The following ADRA1B variants were observed in gnomAD, a reference collection of about 807,000 sequenced individuals.
ADRA1B encodes alpha-1B adrenergic receptor.
Under a neutral mutation model 17.9 loss-of-function variants are expected in ADRA1B, and 17 were observed. The ratio of observed to expected loss-of-function variants is 0.95; its 90% CI spans 0.65 to 1.42. ADRA1B has a LOEUF of 1.42. ADRA1B is among the 40% of genes most tolerant of loss of function. ADRA1B has a pLI of 0.00. For synonymous variants in ADRA1B, 366 were observed against 327.6 expected, an observed-to-expected ratio of 1.12 and a Z score of -1.27; for missense variants, 681 against 722.1, an observed-to-expected ratio of 0.94 and a Z score of 0.65.
intron 1 of ADRA1B, among the ~76,000 whole-genome samples, chr5:159,962,013 C>T (rs1438635036): frequency 6.6e-6 from 1 of 152,128 alleles, no homozygotes; most frequent in Non-Finnish European, 1.5e-5. Flanking sequence ...GTCTGGTCAA[C>T]ATGATGAAAT....
At chr5:159,898,026 C>T (rs1754057028) in intron 1 of ADRA1B, among the ~76,000 whole-genome samples, 2 of 152,356 alleles carry the variant, frequency 1.3e-5, no homozygotes, top group East Asian at 1.9e-4. Flanking sequence ...GCTCCCATCC[C>T]CTTCCCTCTC....
chr5:159,918,448 C>A lies in ADRA1B; in HGVS notation c.949+594C>A, dbSNP rs532896107. Among the ~76,000 whole-genome samples the A allele has an allele frequency of 1.7e-3, 258 of 152,274 alleles. 3 individuals are homozygous for A. Among genetic ancestry groups the A allele is most frequent in the African/African-American group, 6.1e-3 (255 of 41,550 alleles). Reference sequence around the variant, plus strand: ...ATCCGTTAATAAGAGCATTTTACAGCCACACAGCCCCAACCAGCCTTTAAG... The same window carrying A: ...ATCCGTTAATAAGAGCATTTTACAGACACACAGCCCCAACCAGCCTTTAAG... On this transcript the variant is annotated intron_variant, in intron 1 of 1. Transcript: ENST00000306675.
intron 1 of ADRA1B, among the ~76,000 whole-genome samples, chr5:159,899,920 G>A (rs1754083659): frequency 6.6e-6 from 1 of 152,212 alleles, no homozygotes; most frequent in Admixed American, 6.5e-5. Flanking sequence ...GATTTATCTG[G>A]AATGTACAGT....
chr5:159,966,986 T>A (rs2113291682), intron 1 of ADRA1B, among the ~76,000 whole-genome samples: 1 of 152,328 alleles, frequency 6.6e-6, no homozygotes. Context: ...AAATATCTTT[T>A]ACATACTGTA....
chr5:159,932,258 A>ATCC (rs1328663261), intron 1 of ADRA1B, among the ~76,000 whole-genome samples: 1 of 151,980 alleles, frequency 6.6e-6, no homozygotes, highest in Non-Finnish European at 1.5e-5. Context: ...GACCCAAGCG[A>ATCC]TCCTCCCCTT....
intron 1 of ADRA1B, among the ~76,000 whole-genome samples, chr5:159,878,475 C>T (rs958791625): frequency 1.3e-5 from 2 of 152,218 alleles, no homozygotes; most frequent in African/African-American, 4.8e-5. Flanking sequence ...TCTGGATTCC[C>T]TGTTTTCCGC....
chr5:159,961,042 T>C (rs1755656794), intron 1 of ADRA1B, among the ~76,000 whole-genome samples: 1 of 152,220 alleles, frequency 6.6e-6, no homozygotes, highest in South Asian at 2.1e-4. Context: ...ATGCCACATT[T>C]TAGTTTCAGA....
At chr5:159,973,413 C>A (rs1315333479), downstream of ADRA1B, among the ~76,000 whole-genome samples, 1 of 152,258 alleles carries the variant, frequency 6.6e-6, no homozygotes, top group African/African-American at 2.4e-5. Flanking sequence ...GCTGGGGTTC[C>A]CCGGCCAGTC....
At chr5:159,905,374 G>A (rs1209611187) in intron 1 of ADRA1B, among the ~76,000 whole-genome samples, 4 of 152,212 alleles carry the variant, frequency 2.6e-5, no homozygotes, top group Non-Finnish European at 2.9e-5. Flanking sequence ...AATCAAAAAG[G>A]CTGGGCCAGA....
intron 1 of ADRA1B, among the ~76,000 whole-genome samples, chr5:159,881,620 G>A (rs1235501470): frequency 1.3e-5 from 2 of 152,100 alleles, no homozygotes; most frequent in Admixed American, 1.3e-4. Flanking sequence ...GGAATCTACT[G>A]GTACAAAATG....
intron 1 of ADRA1B, among the ~76,000 whole-genome samples, chr5:159,957,566 C>T (rs1248005563): frequency 1.3e-5 from 2 of 150,336 alleles, no homozygotes; most frequent in East Asian, 1.9e-4. Context: ...ATTATACTTA[C>T]TCTTCTTATT....
chr5:159,936,303 C>T (rs1053791544), intron 1 of ADRA1B, among the ~76,000 whole-genome samples: 2 of 152,188 alleles, frequency 1.3e-5, no homozygotes, highest in African/African-American at 4.8e-5. Flanking sequence ...AGCATTCTGT[C>T]ACTTTATAAG....
the ADRA1B span, among the ~76,000 whole-genome samples, chr5:159,988,670 G>T: frequency 3.0e-3 from 462 of 152,248 alleles, 2 homozygotes; most frequent in African/African-American, 0.01. Context: ...AACTAGTTAG[G>T]GAGATAAAAT....
At chr5:159,895,515 G>T (rs1477847226) in intron 1 of ADRA1B, among the ~76,000 whole-genome samples, 4 of 152,068 alleles carry the variant, frequency 2.6e-5, no homozygotes, top group African/African-American at 9.7e-5. Flanking sequence ...TCAAACCCAG[G>T]TTTCAGGTTT....
At chr5:159,865,312 T>A (rs562725007) in intron 1 of ADRA1B, 1 of 152,270 alleles carries the variant, frequency 6.6e-6, no homozygotes, top group African/African-American at 2.4e-5. Flanking sequence ...CACTGTTCCT[T>A]ATGTAATCTT....
chr5:159,872,598 G>C (rs934235282), intron 1 of ADRA1B, among the ~76,000 whole-genome samples: 1 of 152,156 alleles, frequency 6.6e-6, no homozygotes, highest in Non-Finnish European at 1.5e-5. Context: ...ATCCAGGTCT[G>C]TCTGAATCAT....
At chr5:159,925,000 G>C (rs1384467012) in intron 1 of ADRA1B, among the ~76,000 whole-genome samples, 2 of 152,190 alleles carry the variant, frequency 1.3e-5, no homozygotes, top group Non-Finnish European at 2.9e-5. Context: ...AGTGGGCACT[G>C]GTATTGTCCT....
In ADRA1B at chr5:159,878,944, C is replaced by T. The variant is rs371871366; in HGVS notation, c.-256+13738C>T. ...CCAAGGAACTTACTGCTCATGCCCC[C>T]TAGACTTTTCTGATGTCGCTCAAAA... On this transcript the variant is annotated intron_variant, in intron 1 of 2. Transcript: ENST00000641205. Among the ~76,000 whole-genome samples, 26 of 152,228 alleles carry T rather than the reference C, an allele frequency of 1.7e-4. 1 individual carries two copies. The East Asian group carries it at 3.7e-3, about 22-fold the overall frequency.
the ADRA1B span, among the ~76,000 whole-genome samples, chr5:159,981,588 C>G: frequency 6.6e-6 from 1 of 152,148 alleles, no homozygotes; most frequent in Non-Finnish European, 1.5e-5. Context: ...CTCCGCCTTC[C>G]AGGTTCACAC....
Sources: gnomAD v4.1 joint callset for allele counts (sites outside exome capture counted in the v4.1 genomes callset) on GRCh38, gnomAD v4.1.1 for gene constraint, MANE v1.5 for transcripts, NCBI Gene and HGNC (gene_info 2026-07-23, HGNC 2026-07-21) for gene names.